The following ACOT11 variants were observed in gnomAD, a reference collection of about 807,000 sequenced individuals.
ACOT11 encodes acyl-CoA thioesterase 11.
Under a neutral mutation model 77.5 loss-of-function variants are expected in ACOT11, and 69 were observed. The ratio of observed to expected loss-of-function variants is 0.89; its 90% CI spans 0.73 to 1.09. ACOT11 has a LOEUF of 1.09. Among genes scored for constraint, ACOT11 ranks in the 50% least tolerant of loss-of-function variants. ACOT11 has a pLI of 0.00. For missense variants in ACOT11, 766 were observed against 813.7 expected, an observed-to-expected ratio of 0.94 and a Z score of 0.71; for synonymous variants, 279 against 313.0, an observed-to-expected ratio of 0.89 and a Z score of 1.15.
chr1:54,609,337 C>T lies in ACOT11; in HGVS notation c.*225C>T, dbSNP rs570204209. ...GGGGTAGCCTGTAGTAGACTCGGGT[C>T]CTGTCCACAGCCCTAGCTGCCAGCA... On this transcript the variant is annotated 3_prime_UTR_variant, in exon 16 of 16. Coordinates refer to ENST00000343744, the MANE Select transcript of ACOT11 (RefSeq NM_147161.4). 133 of 1,614,102 alleles carry T rather than the reference C, an allele frequency of 8.2e-5. 1 individual carries two copies. The South Asian group carries it at 1.3e-3, about 16-fold the overall frequency.
intron 13 of ACOT11, among the ~76,000 whole-genome samples, chr1:54,606,392 G>A (rs1303956690): frequency 6.6e-6 from 1 of 152,224 alleles, no homozygotes; most frequent in East Asian, 1.9e-4. Flanking sequence ...GCTGAGTGCA[G>A]GCAGGGGAGT....
At chr1:54,589,338 T>TTTTTTTG (rs1553163551) in intron 3 of ACOT11, among the ~76,000 whole-genome samples, 1 of 146,826 alleles carries the variant, frequency 6.8e-6, no homozygotes, top group Non-Finnish European at 1.5e-5. Flanking sequence ...TTTTTTTTTT[T>TTTTTTTG]AGAGAAGGAT....
intron 9 of ACOT11, 121 bp downstream of exon 9, chr1:54,601,534 G>T: frequency 7.1e-7 from 1 of 1,415,966 alleles, no homozygotes; most frequent in Non-Finnish European, 9.4e-7. Context: ...CCCTACCCCC[G>T]TGCTGGGGCA....
At chr1:54,618,750 C>T (rs997980810) in intron 15 of ACOT11, among the ~76,000 whole-genome samples, 13 of 152,106 alleles carry the variant, frequency 8.5e-5, no homozygotes, top group African/African-American at 1.4e-4. Flanking sequence ...CAGGAGCTCG[C>T]GGTGGCTGTG....
chr1:54,597,343 C>T lies in ACOT11; in HGVS notation c.692C>T (p.Ala231Val). 6.2e-7 allele frequency: 1 copy of T among 1,613,944 alleles called. No homozygotes were observed. Among genetic ancestry groups the T allele is most frequent in the Non-Finnish European group, 8.5e-7 (1 of 1,180,000 alleles). The change falls in exon 7 of 16, where the codon GCC becomes GTC. Residue 231 changes from alanine to valine, a missense_variant. Ala to Val is a moderately conservative substitution (Grantham distance 64, BLOSUM62 0). Transcript: ENST00000343744. ...ESVELVLPPH[A>V]NHQGNTFGGQ... is the part of the protein sequence containing the mutation. ...GTGGAGCTGGTCCTGCCTCCCCACG[C>T]CAATCACCAGGGCAACACCTTTGGG... is the stretch of plus-strand genomic sequence containing the variant.
At chr1:54,594,069 C>T in intron 5 of ACOT11, 30 bp downstream of exon 5, 1 of 1,599,754 alleles carries the variant, frequency 6.3e-7, no homozygotes, top group South Asian at 1.1e-5. Context: ...TGCTGGAACG[C>T]TGCTCAGTGA....
chr1:54,575,220 A>G (rs138576382), intron 1 of ACOT11, among the ~76,000 whole-genome samples: 1 of 152,250 alleles, frequency 6.6e-6, no homozygotes, highest in Non-Finnish European at 1.5e-5. Context: ...CGGGATCCCT[A>G]TGTACCTCAC....
At chr1:54,613,589 A>G (rs1644141137), downstream of ACOT11, among the ~76,000 whole-genome samples, 1 of 152,144 alleles carries the variant, frequency 6.6e-6, no homozygotes, top group Admixed American at 6.5e-5. Flanking sequence ...TGCCCAGCCT[A>G]AAATTTTATT....
intron 13 of ACOT11, among the ~76,000 whole-genome samples, chr1:54,606,258 T>C (rs573563221): frequency 4.9e-4 from 74 of 151,878 alleles, no homozygotes; most frequent in African/African-American, 1.7e-3. Flanking sequence ...GTAGGTGGGC[T>C]TCTTGGAGGG....
chr1:54,597,496 C>T lies in ACOT11; in HGVS notation c.764+81C>T. The T allele has an allele frequency of 2.0e-6, 3 of 1,474,896 alleles. No homozygotes were observed. In the South Asian group the frequency reaches 4.1e-5, roughly 20 times the overall value. 91.4% of individuals were successfully genotyped at this position (1,474,896 alleles called of 1,614,324 possible). A position where few individuals can be genotyped will look rare whatever the true frequency, so the allele number is the denominator to read the frequency against. On this transcript the variant is annotated intron_variant, in intron 7 of 15. Coordinates refer to ENST00000343744, the MANE Select transcript of ACOT11 (RefSeq NM_147161.4). Reference sequence around the variant, plus strand: ...GGCTACCTCCCTCTGGAGGGGAAACCCCAGCTTGGGGTTGGCATTCAAGGC... The same window carrying T: ...GGCTACCTCCCTCTGGAGGGGAAACTCCAGCTTGGGGTTGGCATTCAAGGC...
chr1:54,619,178 G>A (rs1052459562), intron 15 of ACOT11, among the ~76,000 whole-genome samples: 4 of 152,182 alleles, frequency 2.6e-5, no homozygotes, highest in African/African-American at 9.7e-5. Context: ...TCTGAAACGT[G>A]CCCAGGTTTG....
chr1:54,618,953 A>G (rs1644201628), intron 15 of ACOT11, among the ~76,000 whole-genome samples: 1 of 152,216 alleles, frequency 6.6e-6, no homozygotes, highest in Admixed American at 6.5e-5. Flanking sequence ...AACTAGTGTA[A>G]GGGGCCATCT....
intron 1 of ACOT11, among the ~76,000 whole-genome samples, chr1:54,556,702 C>G (rs954751430): frequency 2.6e-5 from 4 of 151,898 alleles, no homozygotes; most frequent in East Asian, 3.9e-4. Flanking sequence ...CTCCCTCAGT[C>G]CCCCGAGTAG....
At chr1:54,588,937 T>G (rs568661253) in intron 3 of ACOT11, among the ~76,000 whole-genome samples, 1 of 152,190 alleles carries the variant, frequency 6.6e-6, no homozygotes, top group South Asian at 2.1e-4. Flanking sequence ...GAGGAAAGAT[T>G]AAGAAGTTTT....
rs115503921 is a variant in ACOT11, at chr1:54,584,260, A to C, written c.34-395A>C. 0.013 allele frequency among the ~76,000 whole-genome samples: 2,002 copies of C among 149,198 alleles called. 26 individuals are homozygous for C. Among genetic ancestry groups the C allele is most frequent in the Non-Finnish European group, 0.021 (1,401 of 66,648 alleles). On this transcript the variant is annotated intron_variant, in intron 1 of 15. Transcript: ENST00000343744. This position sits in a 1 kb window ranked among gnomAD's most constrained non-coding sequence, Gnocchi z 6.3. ...GAACAGTTCCCTGGGCTTGACTGCT[A>C]TGGAGCTCTCTAGGCCTCCCTGCAT...
chr1:54,599,887 A>T (rs1032939882), intron 8 of ACOT11, among the ~76,000 whole-genome samples: 11 of 152,250 alleles, frequency 7.2e-5, no homozygotes, highest in African/African-American at 2.7e-4. Context: ...AAATAAGTAA[A>T]TTTTTTGAGA....
chr1:54,603,997 G>A (rs1643995771), intron 11 of ACOT11, 60 bp downstream of exon 11: 2 of 1,510,750 alleles, frequency 1.3e-6, no homozygotes, highest in East Asian at 2.3e-5. Flanking sequence ...ACCCTTCCCT[G>A]CTTGTCAGAA....
intron 1 of ACOT11, among the ~76,000 whole-genome samples, chr1:54,563,301 A>C (rs2100950907): frequency 6.6e-6 from 1 of 152,280 alleles, no homozygotes; most frequent in African/African-American, 2.4e-5. Context: ...CAACTTGGAG[A>C]GGCAGCCCAG....
chr1:54,624,218 C>T (rs955642253), intron 15 of ACOT11, among the ~76,000 whole-genome samples: 1 of 152,020 alleles, frequency 6.6e-6, no homozygotes, highest in Non-Finnish European at 1.5e-5. Flanking sequence ...GAGACTTCAG[C>T]GTCTACACAT....
Sources: gnomAD v4.1 joint callset for allele counts (sites outside exome capture counted in the v4.1 genomes callset) on GRCh38, gnomAD v4.1.1 for gene constraint, Gnocchi (gnomAD v3.1) non-coding constraint, MANE v1.5 for transcripts, NCBI Gene and HGNC (gene_info 2026-07-23, HGNC 2026-07-21) for gene names.